Variants in ESRRG observed in about 807,000 individuals in gnomAD.
ESRRG encodes the protein estrogen-related receptor gamma.
ESRRG carries 13 observed loss-of-function variants against 44.0 expected under a neutral mutation model. The observed-to-expected ratio is 0.30, with a 90% CI of 0.19 to 0.47. ESRRG has a LOEUF of 0.47. ESRRG is among the 20% of genes least tolerant of loss of function. The pLI is 1.00. For synonymous variants in ESRRG, 215 were observed against 214.6 expected (o/e 1.00, Z -0.02); for missense variants, 395 against 580.6 (o/e 0.68, Z 3.29).
rs185497421 is a variant in ESRRG at position 216,994,499 on chromosome 1, A to T, written c.-105-54826T>A. 2.8e-3 allele frequency among the ~76,000 whole-genome samples: 428 copies of T among 152,178 alleles called. 3 individuals carry two copies. The highest frequency in any genetic ancestry group is 3.4e-3 in the Non-Finnish European group (229 of 67,984). On this transcript the variant is annotated intron_variant, in intron 1 of 7. Transcript: ENST00000359162. ...CACACACACACATCCTGGTACAACTACTTTGTGCTTATCCATAAGAGACGG... is the reference window on the plus strand; with the variant it reads ...CACACACACACATCCTGGTACAACTTCTTTGTGCTTATCCATAAGAGACGG...
chr1:216,860,843 CTATTAT>C (rs1305026764), intron 2 of ESRRG, among the ~76,000 whole-genome samples: 1 of 151,998 alleles, frequency 6.6e-6, no homozygotes, highest in Non-Finnish European at 1.5e-5. Context: ...AATTTATTTG[CTATTAT>C]TATTAGTACA....
chr1:216,619,528 G>A (rs1222160412), intron 3 of ESRRG, among the ~76,000 whole-genome samples: 1 of 152,134 alleles, frequency 6.6e-6, no homozygotes, highest in African/African-American at 2.4e-5. Context: ...AGCCGTAAGA[G>A]CTTTCCAGGA....
At chr1:216,525,682 A>T (rs976883667) in intron 5 of ESRRG, among the ~76,000 whole-genome samples, 5 of 152,180 alleles carry the variant, frequency 3.3e-5, no homozygotes, top group African/African-American at 4.8e-5. Context: ...AAATATATTT[A>T]AAAAAGGCAT....
chr1:216,735,121 C>G (rs976577923), intron 2 of ESRRG, among the ~76,000 whole-genome samples: 2 of 151,922 alleles, frequency 1.3e-5, no homozygotes, highest in African/African-American at 2.4e-5. Flanking sequence ...CTTGGCCAGG[C>G]TGGTTTCCAA....
rs1171180577 is a variant in ESRRG at position 216,504,672 on chromosome 1, G to A, written c.*2267C>T. Reference sequence around the variant, plus strand: ...ATAACAACATCTGAGAGATGATTGAGTGAAAGCCATATATACAGCATTTAA... The same window carrying A: ...ATAACAACATCTGAGAGATGATTGAATGAAAGCCATATATACAGCATTTAA... On this transcript the variant is annotated 3_prime_UTR_variant, in exon 7 of 7. Transcript: ENST00000408911. 1 of 152,578 alleles carries A rather than the reference G, an allele frequency of 6.6e-6. No homozygotes were observed. The highest frequency in any genetic ancestry group is 1.5e-5 in the Non-Finnish European group (1 of 68,016). 9.5% of individuals were successfully genotyped at this position (152,578 alleles called of 1,614,324 possible). A position where few individuals can be genotyped will look rare whatever the true frequency, so the allele number is the denominator to read the frequency against.
At chr1:216,800,733 T>C (rs1164951866) in intron 2 of ESRRG, among the ~76,000 whole-genome samples, 1 of 152,204 alleles carries the variant, frequency 6.6e-6, no homozygotes. Context: ...CAGAGTTTAC[T>C]AACTCCCATC....
chr1:216,909,088 CATT>C (rs11572517), intron 2 of ESRRG, among the ~76,000 whole-genome samples: 2,413 of 152,144 alleles, frequency 0.016, 28 homozygotes, highest in Non-Finnish European at 0.023. Context: ...TTCTGAGAAA[CATT>C]TGACTAGATC....
intron 1 of ESRRG, among the ~76,000 whole-genome samples, chr1:216,967,125 G>A (rs191102348): frequency 1.3e-3 from 204 of 152,018 alleles, no homozygotes; most frequent in Admixed American, 2.8e-3. Flanking sequence ...AAGGTACAGG[G>A]ACTTCTTAAG....
At chr1:216,529,244 A>G (rs1265213280) in intron 5 of ESRRG, among the ~76,000 whole-genome samples, 1 of 152,174 alleles carries the variant, frequency 6.6e-6, no homozygotes, top group Non-Finnish European at 1.5e-5. Context: ...GAGGAAATGA[A>G]GCAGGAACCA....
intron 1 of ESRRG, among the ~76,000 whole-genome samples, chr1:217,083,618 C>G (rs1410621461): frequency 1.3e-5 from 2 of 152,180 alleles, no homozygotes; most frequent in African/African-American, 4.8e-5. Context: ...TGAGGACTGA[C>G]ATCTGCTAGT....
At chr1:216,603,694 C>A (rs966281993) in intron 3 of ESRRG, among the ~76,000 whole-genome samples, 1 of 152,000 alleles carries the variant, frequency 6.6e-6, no homozygotes, top group Non-Finnish European at 1.5e-5. Flanking sequence ...TTTGGGAGGC[C>A]GAGGCAGGTG....
At chr1:216,652,357 G>A (rs760169568) in intron 2 of ESRRG, among the ~76,000 whole-genome samples, 7 of 151,954 alleles carry the variant, frequency 4.6e-5, no homozygotes, top group South Asian at 4.1e-4. Flanking sequence ...TCAGACTGAC[G>A]TCTCCTCATT....
intron 1 of ESRRG, among the ~76,000 whole-genome samples, chr1:217,008,736 C>T (rs1424999977): frequency 6.6e-6 from 1 of 152,060 alleles, no homozygotes; most frequent in Admixed American, 6.6e-5. Flanking sequence ...CTTGATATAC[C>T]ACTTAAGTCC....
intron 6 of ESRRG, among the ~76,000 whole-genome samples, chr1:216,508,183 G>A (rs1042676804): frequency 2.7e-4 from 41 of 151,986 alleles, no homozygotes; most frequent in African/African-American, 9.7e-4. Context: ...TAGATCACAT[G>A]AACAAAAAGA....
chr1:216,914,718 G>T (rs2060924023), intron 2 of ESRRG, among the ~76,000 whole-genome samples: 1 of 152,086 alleles, frequency 6.6e-6, no homozygotes, highest in Admixed American at 6.6e-5. Flanking sequence ...TGTTCCTGAT[G>T]CTCAACATAA....
intron 1 of ESRRG, among the ~76,000 whole-genome samples, chr1:216,957,747 C>G (rs909200338): frequency 2.0e-5 from 3 of 152,272 alleles, no homozygotes; most frequent in African/African-American, 7.2e-5. Context: ...ATAGGCAAGC[C>G]ACAGTGACAT....
chr1:217,096,105 G>C (rs2092419338), intron 1 of ESRRG, among the ~76,000 whole-genome samples: 1 of 152,132 alleles, frequency 6.6e-6, no homozygotes, highest in African/African-American at 2.4e-5. Flanking sequence ...AGGAAAAATA[G>C]TGTTGGTGAC....
At chr1:216,878,080 T>C (rs2096385569) in intron 2 of ESRRG, among the ~76,000 whole-genome samples, 1 of 152,204 alleles carries the variant, frequency 6.6e-6, no homozygotes, top group Admixed American at 6.5e-5. Flanking sequence ...ATGTGAGGAG[T>C]CTCAAATTTC....
intron 1 of ESRRG, among the ~76,000 whole-genome samples, chr1:216,951,021 A>T (rs902449924): frequency 3.3e-5 from 5 of 152,018 alleles, no homozygotes; most frequent in African/African-American, 4.8e-5. Context: ...CACACACAGA[A>T]CTCCTTCTCT....
Sources: allele counts gnomAD v4.1 joint callset (sites outside exome capture counted in the v4.1 genomes callset), GRCh38; gene constraint gnomAD v4.1.1; transcripts MANE v1.5; gene names NCBI Gene and HGNC (gene_info 2026-07-23, HGNC 2026-07-21).